NFIL3: variants seen among roughly 807,000 people sequenced by gnomAD.
NFIL3 encodes nuclear factor interleukin-3-regulated protein.
NFIL3 carries 5 observed loss-of-function variants against 10.0 expected under a neutral mutation model. The observed-to-expected ratio is 0.50, with a 90% CI of 0.26 to 1.06. NFIL3 has a LOEUF of 1.06. Ranked by LOEUF, NFIL3 falls within the 50% of genes least tolerant of loss-of-function variation. The pLI, the probability that NFIL3 is intolerant of heterozygous loss-of-function variation, is 0.13. For synonymous variants in NFIL3, 202 were observed against 206.5 expected (o/e 0.98, Z 0.19); for missense variants, 436 against 547.6 (o/e 0.80, Z 2.03).
Position 91,410,984 on chromosome 9 carries a change from C to CTAA in NFIL3, c.-172-81_-172-79dup. ...TACAAATTATGTACAAGGAAATATG[C>CTAA]TAAGCATTTAGGGCATACAAGCACA... On this transcript the variant is annotated intron_variant, in intron 1 of 1. Transcript: ENST00000297689. The surrounding 1 kb of genome is among the most constrained non-coding windows in gnomAD (Gnocchi z 5.7). 2 of 479,150 alleles carry CTAA rather than the reference C, an allele frequency of 4.2e-6. No homozygotes were observed. Among genetic ancestry groups the CTAA allele is most frequent in the Non-Finnish European group, 7.5e-6 (2 of 265,540 alleles). 29.7% of individuals were successfully genotyped at this position (479,150 alleles called of 1,614,324 possible).
upstream of NFIL3, among the ~76,000 whole-genome samples, chr9:91,425,682 T>C (rs1833865428): frequency 6.6e-6 from 1 of 152,360 alleles, no homozygotes; most frequent in East Asian, 1.9e-4. Flanking sequence ...CTTACTATGT[T>C]GTCCAGGTTG....
the NFIL3 span, among the ~76,000 whole-genome samples, chr9:91,473,624 T>C: frequency 6.6e-6 from 1 of 152,364 alleles, no homozygotes; most frequent in African/African-American, 2.4e-5. Flanking sequence ...ACAGCTTCCC[T>C]TGGCTAGGAA....
At chr9:91,442,038 T>A in the NFIL3 span, among the ~76,000 whole-genome samples, 1 of 152,202 alleles carries the variant, frequency 6.6e-6, no homozygotes. Flanking sequence ...CCTCACTAGT[T>A]TTATACTTTT....
At chr9:91,479,716 C>A in the NFIL3 span, among the ~76,000 whole-genome samples, 1 of 152,214 alleles carries the variant, frequency 6.6e-6, no homozygotes, top group African/African-American at 2.4e-5. Context: ...AAAAATCCTG[C>A]AGCTAGCTTA....
At chr9:91,417,865 T>G (rs953300995) in intron 1 of NFIL3, among the ~76,000 whole-genome samples, 5 of 152,124 alleles carry the variant, frequency 3.3e-5, no homozygotes, top group African/African-American at 1.2e-4. Context: ...AGCAACAAAT[T>G]GACCTACTTT....
Position 91,410,759 on chromosome 9 carries a change from G to A in NFIL3, c.-25C>T, listed in dbSNP as rs746396360. ...TCAGAAACAACCTTACCCTATCTAT[G>A]TGTGTAGGAGAACAAATTAATTTCC... On this transcript the variant is annotated 5_prime_UTR_variant, in exon 2 of 2. Coordinates refer to ENST00000297689, the MANE Select transcript of NFIL3 (RefSeq NM_005384.3). This position sits in a 1 kb window ranked among gnomAD's most constrained non-coding sequence, Gnocchi z 5.7. 1 of 1,529,280 alleles carries A rather than the reference G, an allele frequency of 6.5e-7. No individual in the cohort carries two copies. Among genetic ancestry groups the A allele is most frequent in the Non-Finnish European group, 8.7e-7 (1 of 1,143,278 alleles). 94.7% of individuals were successfully genotyped at this position (1,529,280 alleles called of 1,614,324 possible). A position where few individuals can be genotyped will look rare whatever the true frequency, so the allele number is the denominator to read the frequency against.
chr9:91,458,820 C>T, the NFIL3 span, among the ~76,000 whole-genome samples: 3 of 151,960 alleles, frequency 2.0e-5, no homozygotes, highest in African/African-American at 7.3e-5. Context: ...GATCTCATTG[C>T]TGGAGGTATC....
At chr9:91,429,710 C>T in the NFIL3 span, among the ~76,000 whole-genome samples, 1 of 152,138 alleles carries the variant, frequency 6.6e-6, no homozygotes, top group Non-Finnish European at 1.5e-5. Context: ...GTGTTTTCAG[C>T]TGCTGCTGTG....
the NFIL3 span, among the ~76,000 whole-genome samples, chr9:91,482,427 G>T: frequency 7.3e-6 from 1 of 137,094 alleles, no homozygotes; most frequent in Non-Finnish European, 1.5e-5. Flanking sequence ...AGAAGCCAGG[G>T]CTGGGTGATG....
chr9:91,410,034 T>C lies in NFIL3; in HGVS notation c.701A>G (p.Asp234Gly). The change falls in exon 2 of 2, where the codon GAT (aspartate) becomes GGT (glycine). Residue 234 changes from aspartate to glycine, a missense_variant. Physicochemically the swap from Asp to Gly is moderately conservative, Grantham distance 94 (BLOSUM62 -1). Coordinates refer to ENST00000297689, the MANE Select transcript of NFIL3 (RefSeq NM_005384.3). The surrounding 1 kb of genome is among the most constrained non-coding windows in gnomAD (Gnocchi z 5.7). ...GGACGCTGTGTAAGAGCCTCGGTCA[T>C]CTCTTGGCTCCCTTGTGTAGCTCTC... The part of the protein sequence containing the change: ...ELESYTREPR[D>G]DRGSYTASIY... 6.2e-7 allele frequency: 1 copy of C among 1,612,802 alleles called. No homozygotes were observed. Among genetic ancestry groups the C allele is most frequent in the Non-Finnish European group, 8.5e-7 (1 of 1,179,980 alleles).
rs1564154213 is a variant in NFIL3 at position 91,409,584 on chromosome 9, T to A, written c.1151A>T (p.Gln384Leu). The change falls in exon 2 of 2, where the codon CAA becomes CTA. Residue 384 changes from glutamine (Q) to leucine (L), a missense_variant. Gln to Leu is a moderately radical substitution (Grantham distance 113). This residue lies in a region of NFIL3 where 338 missense variants were observed against 399.9 expected (regional missense o/e 0.85). Coordinates refer to ENST00000297689, the MANE Select transcript of NFIL3 (RefSeq NM_005384.3). Reference protein sequence around the residue: ...VHSSLTPFSVQVTNIQDWSLK... With the variant: ...VHSSLTPFSVLVTNIQDWSLK... ...AGACCAATCTTGAATGTTAGTCACT[T>A]GCACTGAGAAAGGAGTAAGAGAAGA... The A allele has an allele frequency of 6.2e-7, 1 of 1,614,114 alleles. No homozygotes were observed.
At chr9:91,414,756 A>AT (rs1316668712) in intron 1 of NFIL3, among the ~76,000 whole-genome samples, 1 of 152,230 alleles carries the variant, frequency 6.6e-6, no homozygotes, top group African/African-American at 2.4e-5. Flanking sequence ...GTTTATCAGC[A>AT]TTATGGGATG....
upstream of NFIL3, among the ~76,000 whole-genome samples, chr9:91,428,702 C>A (rs1049650884): frequency 1.3e-5 from 2 of 152,204 alleles, no homozygotes; most frequent in Non-Finnish European, 2.9e-5. Flanking sequence ...CATTTGAAAG[C>A]ATTTCCAAAG....
upstream of NFIL3, among the ~76,000 whole-genome samples, chr9:91,428,675 A>G (rs1833894495): frequency 1.3e-5 from 2 of 152,252 alleles, no homozygotes; most frequent in Admixed American, 1.3e-4. Context: ...AGACAAAATC[A>G]GCTGATGGTC....
At chr9:91,432,528 T>C in the NFIL3 span, among the ~76,000 whole-genome samples, 7 of 152,358 alleles carry the variant, frequency 4.6e-5, no homozygotes, top group East Asian at 1.3e-3. Flanking sequence ...CCTGAAAACA[T>C]GTCCCTCACG....
chr9:91,462,227 GC>G, the NFIL3 span, among the ~76,000 whole-genome samples: 15 of 151,742 alleles, frequency 9.9e-5, no homozygotes, highest in Admixed American at 1.3e-4. Flanking sequence ...TAATGCACCT[GC>G]TATGACTGTC....
the NFIL3 span, among the ~76,000 whole-genome samples, chr9:91,430,932 T>G: frequency 6.6e-6 from 1 of 152,164 alleles, no homozygotes; most frequent in Non-Finnish European, 1.5e-5. Flanking sequence ...ACCAAAGTCT[T>G]AAAGATGTAT....
the NFIL3 span, among the ~76,000 whole-genome samples, chr9:91,448,910 C>T: frequency 2.0e-5 from 3 of 152,122 alleles, no homozygotes; most frequent in South Asian, 2.1e-4. Flanking sequence ...CTTTCAGCAA[C>T]GTTTTATAAT....
chr9:91,435,611 G>A, the NFIL3 span, among the ~76,000 whole-genome samples: 7 of 152,138 alleles, frequency 4.6e-5, no homozygotes, highest in Admixed American at 6.5e-5. Flanking sequence ...ATCTGCCTGC[G>A]CCTGAAACTG....
Sources: allele counts gnomAD v4.1 joint callset (sites outside exome capture counted in the v4.1 genomes callset), GRCh38; gene constraint gnomAD v4.1.1; regional missense constraint gnomAD v4.1.1; non-coding constraint Gnocchi (gnomAD v3.1); transcripts MANE v1.5; gene names NCBI Gene and HGNC (gene_info 2026-07-23, HGNC 2026-07-21).